The following ERFL variants were observed in gnomAD, a reference collection of about 807,000 sequenced individuals.
ERFL encodes the protein ETS repressor factor like.
A neutral mutation model predicts 27.9 loss-of-function variants in ERFL; 8 were observed. That is an observed-to-expected ratio of 0.29 (90% confidence interval 0.17 to 0.52). ERFL has a LOEUF of 0.52. ERFL is among the 20% of genes least tolerant of loss of function. The pLI is 0.97. For synonymous variants in ERFL, 174 were observed against 202.8 expected, an observed-to-expected ratio of 0.86 and a Z score of 1.21; for missense variants, 294 against 444.4, an observed-to-expected ratio of 0.66 and a Z score of 3.04.
In ERFL at chr19:41,916,815, C is replaced by T. The variant is rs2145896807; in HGVS notation, c.-13-3883G>A. Among the ~76,000 whole-genome samples the T allele has an allele frequency of 6.6e-6, 1 of 151,720 alleles. No homozygotes were observed. The highest frequency in any genetic ancestry group is 2.1e-4 in the South Asian group (1 of 4,804). ...ACACAGTCACAATCACACACACACA[C>T]CAAGATCACGGACCCAAACATACGA... On this transcript the variant is annotated intron_variant, in intron 1 of 5. Transcript: ENST00000597630. This position sits in a 1 kb window ranked among gnomAD's most constrained non-coding sequence, Gnocchi z 5.4.
chr19:41,914,551 TC>T (rs1386038977), intron 1 of ERFL, among the ~76,000 whole-genome samples: 10 of 120,754 alleles, frequency 8.3e-5, no homozygotes, highest in Non-Finnish European at 1.8e-4. Flanking sequence ...CGTCTTTCCC[TC>T]CCCTTCCACC....
chr19:41,908,824 TCTC>T lies in ERFL; in HGVS notation c.617-151_617-149del. The T allele has an allele frequency of 2.2e-6, 1 of 455,458 alleles. No homozygotes were observed. Among genetic ancestry groups the T allele is most frequent in the Non-Finnish European group, 3.5e-6 (1 of 289,482 alleles). 28.2% of individuals were successfully genotyped at this position (455,458 alleles called of 1,614,324 possible). A position where few individuals can be genotyped will look rare whatever the true frequency, so the allele number is the denominator to read the frequency against. On this transcript the variant is annotated intron_variant, in intron 5 of 5. Coordinates refer to ENST00000597630, the MANE Select transcript of ERFL (RefSeq NM_001365103.2). This position sits in a 1 kb window ranked among gnomAD's most constrained non-coding sequence, Gnocchi z 6.7. ...CCTCATACAGCTTCCCCCAACTCCA[TCTC>T]CTCCCACTCCCCCACTTGTCTTCCC...
Position 41,908,123 on chromosome 19 carries a change from C to T in ERFL, c.*105G>A, listed in dbSNP as rs2074728674. On this transcript the variant is annotated 3_prime_UTR_variant, in exon 6 of 6. Coordinates refer to ENST00000597630, the MANE Select transcript of ERFL (RefSeq NM_001365103.2). The surrounding 1 kb of genome is among the most constrained non-coding windows in gnomAD (Gnocchi z 6.7). ...GACTGGGGCAGCAATGTGCCCAGACCTGGGAGGTGCTGAGGGCTGGTCCTG... is the reference window on the plus strand; with the variant it reads ...GACTGGGGCAGCAATGTGCCCAGACTTGGGAGGTGCTGAGGGCTGGTCCTG... The T allele has an allele frequency of 1.1e-6, 1 of 922,256 alleles. No individual in the cohort carries two copies. Among genetic ancestry groups the T allele is most frequent in the Middle Eastern group, 3.8e-4 (1 of 2,628 alleles). The allele number at this position is 922,256 out of a possible 1,614,324, so 57.1% of individuals were successfully genotyped here. A position where few individuals can be genotyped will look rare whatever the true frequency, so the allele number is the denominator to read the frequency against.
At chr19:41,918,413 C>A (rs916339902) in intron 1 of ERFL, among the ~76,000 whole-genome samples, 4 of 136,388 alleles carry the variant, frequency 2.9e-5, no homozygotes, top group Non-Finnish European at 1.5e-5. Flanking sequence ...ATCACACACA[C>A]CACACACATA....
intron 1 of ERFL, among the ~76,000 whole-genome samples, chr19:41,915,939 TC>T (rs1186463264): frequency 2.9e-4 from 41 of 139,410 alleles, no homozygotes; most frequent in African/African-American, 1.0e-3. Context: ...CCCACCCCCC[TC>T]CCCCCCGCCG....
intron 1 of ERFL, among the ~76,000 whole-genome samples, chr19:41,913,933 AC>A (rs2074770176): frequency 7.0e-6 from 1 of 142,890 alleles, no homozygotes; most frequent in African/African-American, 2.7e-5. Flanking sequence ...CCTCTGGAGC[AC>A]CTTCTTCCTG....
intron 1 of ERFL, among the ~76,000 whole-genome samples, chr19:41,914,341 A>C (rs1599673834): frequency 8.3e-5 from 10 of 119,924 alleles, no homozygotes; most frequent in South Asian, 5.5e-4. Context: ...TCTCCCTTCC[A>C]TTTCTGTCTC....
At position 41,917,408 on chromosome 19, in the gene ERFL, G is replaced by A. The variant is rs1004007181; in HGVS notation, c.-13-4476C>T. Among the ~76,000 whole-genome samples the A allele has an allele frequency of 2.0e-5, 3 of 151,738 alleles. No individual in the cohort carries two copies. Among genetic ancestry groups the A allele is most frequent in the African/African-American group, 4.8e-5 (2 of 41,248 alleles). ...AGTTGTTTTGATTTCTCTAAGCTGCGCCGGCCGCCTCGGGAGCCGCCTCGG... is the reference window on the plus strand; with the variant it reads ...AGTTGTTTTGATTTCTCTAAGCTGCACCGGCCGCCTCGGGAGCCGCCTCGG... On this transcript the variant is annotated intron_variant, in intron 1 of 5. Coordinates refer to ENST00000597630, the MANE Select transcript of ERFL (RefSeq NM_001365103.2). This position sits in a 1 kb window ranked among gnomAD's most constrained non-coding sequence, Gnocchi z 4.8.
chr19:41,923,448 TG>T (rs781989446), intron 1 of ERFL, among the ~76,000 whole-genome samples: 47 of 149,536 alleles, frequency 3.1e-4, no homozygotes, highest in Admixed American at 1.0e-3. Flanking sequence ...AAAGAGAGAC[TG>T]GGAGACAGAC....
At chr19:41,914,054 C>G (rs1343918723) in intron 1 of ERFL, among the ~76,000 whole-genome samples, 1 of 124,124 alleles carries the variant, frequency 8.1e-6, no homozygotes, top group Non-Finnish European at 1.6e-5. Flanking sequence ...GCAGCCCACA[C>G]TGTGTTCCCC....
At position 41,921,032 on chromosome 19, in the gene ERFL, C is replaced by T. The variant is rs782498024; in HGVS notation, c.-14+7008G>A. 7.2e-5 allele frequency among the ~76,000 whole-genome samples: 11 copies of T among 152,200 alleles called. No individual in the cohort carries two copies. Among genetic ancestry groups the T allele is most frequent in the Non-Finnish European group, 1.2e-4 (8 of 68,034 alleles). On this transcript the variant is annotated intron_variant, in intron 1 of 5. Coordinates refer to ENST00000597630, the MANE Select transcript of ERFL (RefSeq NM_001365103.2). The surrounding 1 kb of genome is among the most constrained non-coding windows in gnomAD (Gnocchi z 4.4). ...CCTGGGGCTGCGGACAGCAGCGCTC[C>T]GAATGGTGTCAGTTGAGGGGTGGCG...
rs2074731780 is a variant in ERFL, at chr19:41,908,462, C to A, written c.831G>T (p.Leu277=). Residue 277 remains leucine (L), a synonymous_variant, in exon 6 of 6, where the codon CTG becomes CTT. Transcript: ENST00000597630. This position sits in a 1 kb window ranked among gnomAD's most constrained non-coding sequence, Gnocchi z 6.7. ...GAGGGPTATP[L]LASTGEGLGP... ...CCAGGCCCTCCCCTGTCGAGGCCAG[C>A]AGGGGCGTGGCTGTGGGGCCTCCCC... 8.1e-7 allele frequency: 1 copy of A among 1,231,368 alleles called. No individual in the cohort carries two copies. Among genetic ancestry groups the A allele is most frequent in the Non-Finnish European group, 1.0e-6 (1 of 987,826 alleles). The allele number at this position is 1,231,368 out of a possible 1,614,324, so 76.3% of individuals were successfully genotyped here.
At chr19:41,920,177 CACGCTCACAGACAT>C (rs1218329821) in intron 1 of ERFL, among the ~76,000 whole-genome samples, 10 of 111,738 alleles carry the variant, frequency 8.9e-5, no homozygotes, top group African/African-American at 3.7e-4. Context: ...TCAGACATGA[CACGCTCACAGACAT>C]GCGCTCACAG....
In ERFL at chr19:41,910,519, T is replaced by TA. The variant is rs1284826958; in HGVS notation, c.68-423dup. Among the ~76,000 whole-genome samples, 32 of 152,116 alleles carry TA rather than the reference T, an allele frequency of 2.1e-4. No homozygotes were observed. Among genetic ancestry groups the TA allele is most frequent in the Admixed American group, 2.1e-3 (32 of 15,262 alleles). ...TGTACCCTGCGGTGCCCTCAGCTCT[T>TA]ACTGTCTCTGTTCCCCATTCCCTGT... On this transcript the variant is annotated intron_variant, in intron 2 of 5. Coordinates refer to ENST00000597630, the MANE Select transcript of ERFL (RefSeq NM_001365103.2). The surrounding 1 kb of genome is among the most constrained non-coding windows in gnomAD (Gnocchi z 4.4).
intron 1 of ERFL, among the ~76,000 whole-genome samples, chr19:41,913,246 C>T (rs968697008): frequency 2.0e-5 from 3 of 151,692 alleles, no homozygotes; most frequent in Non-Finnish European, 4.4e-5. Flanking sequence ...CACGCTCTCA[C>T]ACTCGCTGGC....
chr19:41,909,763 T>C lies in ERFL; in HGVS notation c.302+100A>G. 6.0e-6 allele frequency: 8 copies of C among 1,322,896 alleles called. No individual in the cohort carries two copies. Among genetic ancestry groups the C allele is most frequent in the Non-Finnish European group, 8.2e-6 (8 of 976,176 alleles). The allele number at this position is 1,322,896 out of a possible 1,614,324, so 81.9% of individuals were successfully genotyped here. A position where few individuals can be genotyped will look rare whatever the true frequency, so the allele number is the denominator to read the frequency against. On this transcript the variant is annotated intron_variant, in intron 3 of 5. Coordinates refer to ENST00000597630, the MANE Select transcript of ERFL (RefSeq NM_001365103.2). The surrounding 1 kb of genome is among the most constrained non-coding windows in gnomAD (Gnocchi z 5.2). Reference sequence around the variant, plus strand: ...TACTCACGCACAGCCCTGTGCCTTGTGGGATCCAGCAGGAACCTGCCCCAG... The same window carrying C: ...TACTCACGCACAGCCCTGTGCCTTGCGGGATCCAGCAGGAACCTGCCCCAG...
At chr19:41,914,609 C>T (rs1431043292) in intron 1 of ERFL, among the ~76,000 whole-genome samples, 2 of 49,880 alleles carry the variant, frequency 4.0e-5, no homozygotes, top group Non-Finnish European at 6.8e-5. Context: ...TCTGTCTCTC[C>T]CTCCCCTTCC....
intron 1 of ERFL, among the ~76,000 whole-genome samples, chr19:41,914,976 C>T (rs1158190606): frequency 2.5e-5 from 3 of 121,632 alleles, no homozygotes; most frequent in South Asian, 3.0e-4. Context: ...CTCCCTCCCT[C>T]CCCCTCCAGC....
In ERFL at chr19:41,908,926, TACAC is replaced by T; in HGVS notation, c.616+130_616+133del. ...TCACATCACATCCTTTTCTGGGTTT[TACAC>T]ACACACACCCTACAACCTGGCCCTG... On this transcript the variant is annotated intron_variant, in intron 5 of 5. Transcript: ENST00000597630. The surrounding 1 kb of genome is among the most constrained non-coding windows in gnomAD (Gnocchi z 6.7). 1.9e-6 allele frequency: 1 copy of T among 531,666 alleles called. No individual in the cohort carries two copies. Among genetic ancestry groups the T allele is most frequent in the Non-Finnish European group, 2.9e-6 (1 of 349,056 alleles). 32.9% of individuals were successfully genotyped at this position (531,666 alleles called of 1,614,324 possible).
Sources: allele counts gnomAD v4.1 joint callset (sites outside exome capture counted in the v4.1 genomes callset), GRCh38; gene constraint gnomAD v4.1.1; non-coding constraint Gnocchi (gnomAD v3.1); transcripts MANE v1.5; gene names NCBI Gene and HGNC (gene_info 2026-07-23, HGNC 2026-07-21).